The following SPOCK1 variants were observed in gnomAD, a reference collection of about 807,000 sequenced individuals.
SPOCK1 encodes the protein testican-1.
A neutral mutation model predicts 55.3 loss-of-function variants in SPOCK1; 23 were observed. That is an observed-to-expected ratio of 0.42 (90% CI 0.30 to 0.59). The LOEUF is 0.59. SPOCK1 is among the 20% of genes least tolerant of loss of function. The probability of loss-of-function intolerance (pLI) is 0.22; values close to 1 mark genes in which losing one functional copy is unlikely to be tolerated. For missense variants in SPOCK1, 499 were observed against 552.5 expected (o/e 0.90, Z 0.97); for synonymous variants, 226 against 221.0 (o/e 1.02, Z -0.20).
At chr5:137,207,632 G>C (rs1755543239) in intron 3 of SPOCK1, among the ~76,000 whole-genome samples, 1 of 152,124 alleles carries the variant, frequency 6.6e-6, no homozygotes, top group African/African-American at 2.4e-5. Context: ...GACAGTGGAG[G>C]AGGTGGCAAT....
intron 3 of SPOCK1, among the ~76,000 whole-genome samples, chr5:137,238,965 T>C (rs979243734): frequency 3.9e-5 from 6 of 152,214 alleles, no homozygotes; most frequent in Non-Finnish European, 5.9e-5. Context: ...GAGTGATACA[T>C]GGGAGAGAAG....
At chr5:137,304,476 G>T (rs1258557811) in intron 2 of SPOCK1, among the ~76,000 whole-genome samples, 1 of 152,200 alleles carries the variant, frequency 6.6e-6, no homozygotes, top group East Asian at 1.9e-4. Flanking sequence ...TGAAATGTAA[G>T]CTGAGTTGTG....
chr5:137,114,361 GTC>G lies in SPOCK1; in HGVS notation c.348-1802_348-1801del, dbSNP rs542122261. ...AGCTGTAGAGAGTGTCCAGGGATGT[GTC>G]TCTCTTCTTTAGCCCATCTCAGCCC... is the stretch of plus-strand genomic sequence containing the variant. On this transcript the variant is annotated intron_variant, in intron 4 of 10. Coordinates refer to ENST00000394945, the MANE Select transcript of SPOCK1 (RefSeq NM_004598.4). 9.2e-5 allele frequency among the ~76,000 whole-genome samples: 14 copies of G among 152,302 alleles called. No individual in the cohort carries two copies. The East Asian group carries it at 2.5e-3, about 27-fold the overall frequency.
At chr5:137,228,694 A>G (rs9327780) in intron 3 of SPOCK1, among the ~76,000 whole-genome samples, 2,650 of 152,198 alleles carry the variant, frequency 0.017, 80 homozygotes, top group African/African-American at 0.06. Flanking sequence ...TTCTCAAAAT[A>G]TTGCTTGAAT....
At chr5:137,177,869 T>C (rs1754887503) in intron 3 of SPOCK1, among the ~76,000 whole-genome samples, 1 of 151,860 alleles carries the variant, frequency 6.6e-6, no homozygotes, top group Non-Finnish European at 1.5e-5. Flanking sequence ...GCTTTCCAAG[T>C]AGGGACTGAG....
chr5:137,016,221 A>G (rs2126977350), intron 6 of SPOCK1, among the ~76,000 whole-genome samples: 1 of 152,336 alleles, frequency 6.6e-6, no homozygotes, highest in East Asian at 1.9e-4. Flanking sequence ...CCAAACTGCT[A>G]TGCTCTCCTT....
At chr5:137,374,288 C>T (rs368046517) in intron 2 of SPOCK1, among the ~76,000 whole-genome samples, 10 of 152,240 alleles carry the variant, frequency 6.6e-5, no homozygotes, top group South Asian at 2.1e-4. Flanking sequence ...TCTGGATTCA[C>T]GCCACAAGGA....
intron 3 of SPOCK1, among the ~76,000 whole-genome samples, chr5:137,183,731 C>T (rs1010041108): frequency 3.9e-5 from 6 of 152,186 alleles, no homozygotes; most frequent in Non-Finnish European, 8.8e-5. Flanking sequence ...AGCTGTGAGT[C>T]CAGTTTCCAG....
At chr5:137,376,602 C>A (rs1023608018) in intron 2 of SPOCK1, among the ~76,000 whole-genome samples, 1 of 152,172 alleles carries the variant, frequency 6.6e-6, no homozygotes, top group Non-Finnish European at 1.5e-5. Flanking sequence ...CTTTTTAGCT[C>A]CTTGTAGAAG....
At chr5:137,230,742 T>C (rs1046046173) in intron 3 of SPOCK1, among the ~76,000 whole-genome samples, 2 of 152,098 alleles carry the variant, frequency 1.3e-5, no homozygotes, top group Non-Finnish European at 2.9e-5. Context: ...TTTTATTGAA[T>C]TTTTTTGTTG....
At chr5:137,089,809 T>C (rs1264990792) in intron 5 of SPOCK1, among the ~76,000 whole-genome samples, 1 of 152,136 alleles carries the variant, frequency 6.6e-6, no homozygotes, top group Non-Finnish European at 1.5e-5. Flanking sequence ...TTTTAGAAAT[T>C]CACATTTCTA....
chr5:137,409,537 G>A (rs1752167591), intron 2 of SPOCK1, among the ~76,000 whole-genome samples: 1 of 152,160 alleles, frequency 6.6e-6, no homozygotes, highest in South Asian at 2.1e-4. Context: ...TCTGTAAAAT[G>A]GCATAATGAT....
chr5:137,420,191 G>A (rs1422022681), intron 2 of SPOCK1, among the ~76,000 whole-genome samples: 1 of 152,106 alleles, frequency 6.6e-6, no homozygotes, highest in Non-Finnish European at 1.5e-5. Flanking sequence ...TGCTGCATTC[G>A]GTTTGCCAGT....
intron 2 of SPOCK1, among the ~76,000 whole-genome samples, chr5:137,480,735 G>A (rs900164228): frequency 7.9e-5 from 12 of 152,128 alleles, no homozygotes; most frequent in African/African-American, 2.9e-4. Context: ...TTCTAGCCTG[G>A]AAGTCAGGAG....
chr5:137,009,786 G>A (rs1354493387), intron 6 of SPOCK1, among the ~76,000 whole-genome samples: 2 of 152,142 alleles, frequency 1.3e-5, no homozygotes, highest in Non-Finnish European at 2.9e-5. Context: ...ACCTTGGGCA[G>A]GTCTAAATTC....
chr5:137,368,314 C>T (rs918049865), intron 2 of SPOCK1, among the ~76,000 whole-genome samples: 2 of 152,146 alleles, frequency 1.3e-5, no homozygotes, highest in African/African-American at 4.8e-5. Context: ...AGGAGGGTTA[C>T]AAGTTAAGGT....
Position 137,354,795 on chromosome 5 carries a change from T to C in SPOCK1, c.187-87740A>G, listed in dbSNP as rs372219961. Among the ~76,000 whole-genome samples, 25 of 152,306 alleles carry C rather than the reference T, an allele frequency of 1.6e-4. No homozygotes were observed. In the South Asian group the frequency reaches 4.8e-3, roughly 29 times the overall value. The stretch of plus-strand genomic sequence containing the variant: ...CTGTATCCCAGCACCCAGGAAAGGA[T>C]TGGCCCGTAGGAGGTATTGAGTGAA... On this transcript the variant is annotated intron_variant, in intron 2 of 10. Coordinates refer to ENST00000394945, the MANE Select transcript of SPOCK1 (RefSeq NM_004598.4).
At chr5:137,304,841 G>A (rs1322799625) in intron 2 of SPOCK1, among the ~76,000 whole-genome samples, 2 of 152,150 alleles carry the variant, frequency 1.3e-5, no homozygotes, top group South Asian at 2.1e-4. Context: ...TTCCTCTTCT[G>A]CCAGTGGGGG....
intron 6 of SPOCK1, among the ~76,000 whole-genome samples, chr5:137,008,078 G>T (rs1751283958): frequency 1.3e-5 from 2 of 148,560 alleles, no homozygotes; most frequent in Non-Finnish European, 3.0e-5. Flanking sequence ...TCATAAGTGG[G>T]AGTTGAAAAA....
Sources: gnomAD v4.1 joint callset for allele counts (sites outside exome capture counted in the v4.1 genomes callset) on GRCh38, gnomAD v4.1.1 for gene constraint, MANE v1.5 for transcripts, NCBI Gene and HGNC (gene_info 2026-07-23, HGNC 2026-07-21) for gene names.